The following CNOT10 variants were observed in gnomAD, a reference collection of about 807,000 sequenced individuals.
CNOT10 encodes the protein CCR4-NOT transcription complex subunit 10, also known as CCR4-NOT transcription complex, subunit 10.
Under a neutral mutation model 94.6 loss-of-function variants are expected in CNOT10, and 30 were observed. The ratio of observed to expected loss-of-function variants is 0.32; its 90% CI spans 0.24 to 0.43. The LOEUF (loss-of-function observed/expected upper bound fraction) is 0.43. Among genes scored for constraint, CNOT10 ranks in the 20% least tolerant of loss-of-function variants. CNOT10 has a pLI of 1.00. For synonymous variants in CNOT10, 289 were observed against 301.6 expected, an observed-to-expected ratio of 0.96 and a Z score of 0.43; for missense variants, 759 against 877.2, an observed-to-expected ratio of 0.87 and a Z score of 1.70.
Position 32,693,422 on chromosome 3 carries a change from A to G in CNOT10, c.22+7940A>G, listed in dbSNP as rs538221781. ...CTGTAGAGACAGGGTTTTGCCATGTATCCCGGGCTGGTCTCAAACTCCTGG... is the reference window on the plus strand; with the variant it reads ...CTGTAGAGACAGGGTTTTGCCATGTGTCCCGGGCTGGTCTCAAACTCCTGG... On this transcript the variant is annotated intron_variant, in intron 1 of 18. Coordinates refer to ENST00000328834, the MANE Select transcript of CNOT10 (RefSeq NM_015442.3). 3.3e-5 allele frequency: 5 copies of G among 151,716 alleles called. No homozygotes were observed. In the East Asian group the frequency reaches 7.8e-4, roughly 24 times the overall value. The allele number at this position is 151,716 out of a possible 1,614,324, so 9.4% of individuals were successfully genotyped here.
intron 13 of CNOT10, among the ~76,000 whole-genome samples, chr3:32,745,452 G>C (rs890100519): frequency 3.6e-4 from 17 of 47,086 alleles, no homozygotes; most frequent in African/African-American, 1.3e-3. Context: ...GAAGCCATAA[G>C]TTTTATTCAA....
chr3:32,750,529 T>C (rs557755631), intron 13 of CNOT10, among the ~76,000 whole-genome samples: 106 of 152,104 alleles, frequency 7.0e-4, no homozygotes, highest in Non-Finnish European at 1.4e-3. Context: ...TTCATAGATT[T>C]AGTCATATAA....
chr3:32,741,105 G>A (rs1262973688), intron 13 of CNOT10, among the ~76,000 whole-genome samples: 1 of 151,998 alleles, frequency 6.6e-6, no homozygotes, highest in Non-Finnish European at 1.5e-5. Flanking sequence ...CCTTGGTTAC[G>A]ACTAATCTCT....
rs1469289030 is a variant in CNOT10 at position 32,725,563 on chromosome 3, G to A, written c.976G>A (p.Val326Ile). 6.2e-7 allele frequency: 1 copy of A among 1,614,024 alleles called. No homozygotes were observed. Among genetic ancestry groups the A allele is most frequent in the African/African-American group, 1.3e-5 (1 of 74,938 alleles). Residue 326 changes from valine (V) to isoleucine (I), a missense_variant, in exon 9 of 19, where the codon GTC becomes ATC. Around this residue, in one of 3 missense-constraint regions of CNOT10, gnomAD observed 682 missense variants for 799.4 expected, o/e 0.85. Transcript: ENST00000328834. ...AAAGGCTCTGCAAGAGAATGACAAT[G>A]TCTGTGCACAGCTCAGTGCAGGTAG... ...FKKALQENDN[V>I]CAQLSAGSTD... is the part of the protein sequence containing the mutation.
intron 13 of CNOT10, among the ~76,000 whole-genome samples, chr3:32,738,270 C>A (rs184470016): frequency 3.3e-4 from 50 of 152,044 alleles, no homozygotes; most frequent in African/African-American, 1.1e-3. Context: ...ACAACAAACC[C>A]CCATGACACA....
chr3:32,727,999 A>G (rs376345639), intron 10 of CNOT10, 129 bp downstream of exon 10: 2 of 247,584 alleles, frequency 8.1e-6, no homozygotes, highest in African/African-American at 6.3e-5. Context: ...TTATTTATTT[A>G]TTTATTTATT....
At chr3:32,733,692 C>G (rs1385662730) in intron 11 of CNOT10, 148 bp downstream of exon 11, 1 of 534,402 alleles carries the variant, frequency 1.9e-6, no homozygotes, top group Non-Finnish European at 3.2e-6. Flanking sequence ...CAAACAGACC[C>G]TCATGTATAG....
intron 10 of CNOT10, among the ~76,000 whole-genome samples, chr3:32,728,188 G>T (rs923822209): frequency 6.6e-6 from 1 of 151,608 alleles, no homozygotes; most frequent in East Asian, 2.0e-4. Context: ...TAGAGACGAG[G>T]TTTCACCATG....
intron 1 of CNOT10, among the ~76,000 whole-genome samples, chr3:32,697,275 T>C (rs1225378212): frequency 6.6e-6 from 1 of 152,092 alleles, no homozygotes; most frequent in East Asian, 1.9e-4. Flanking sequence ...CTGGGGTTGC[T>C]AACAGCAGTG....
chr3:32,703,809 A>G, intron 1 of CNOT10, 59 bp from the exon 2 acceptor site: 1 of 1,148,516 alleles, frequency 8.7e-7, no homozygotes, highest in South Asian at 1.3e-5. Context: ...AAACTGGATA[A>G]GGAGGGACCA....
chr3:32,743,486 T>C (rs931363210), intron 13 of CNOT10, among the ~76,000 whole-genome samples: 2 of 151,794 alleles, frequency 1.3e-5, no homozygotes, highest in Non-Finnish European at 2.9e-5. Flanking sequence ...AAAAAAAAAT[T>C]AGCTGGGCAT....
chr3:32,695,073 G>T (rs968912637), intron 1 of CNOT10, among the ~76,000 whole-genome samples: 1 of 152,092 alleles, frequency 6.6e-6, no homozygotes, highest in African/African-American at 2.4e-5. Flanking sequence ...CTACACTACT[G>T]GGCAGGATGC....
chr3:32,727,625 C>A, intron 9 of CNOT10, 43 bp from the exon 10 acceptor site: 1 of 1,253,730 alleles, frequency 8.0e-7, no homozygotes, highest in Non-Finnish European at 1.2e-6. Context: ...GTTACTATTA[C>A]TGTAAATCTA....
intron 10 of CNOT10, 40 bp downstream of exon 10, chr3:32,727,910 C>A: frequency 1.4e-6 from 2 of 1,456,280 alleles, no homozygotes; most frequent in Non-Finnish European, 1.9e-6. Context: ...CCTGTCTTCT[C>A]CCCACTTACT....
intron 13 of CNOT10, among the ~76,000 whole-genome samples, chr3:32,741,968 TTTTTA>T (rs1283255850): frequency 4.1e-4 from 63 of 151,942 alleles, no homozygotes; most frequent in African/African-American, 1.5e-3. Context: ...TTTATTTTAT[TTTTTA>T]TTTTATTTTA....
chr3:32,702,310 G>A (rs2125511282), intron 1 of CNOT10, among the ~76,000 whole-genome samples: 1 of 152,188 alleles, frequency 6.6e-6, no homozygotes, highest in East Asian at 1.9e-4. Context: ...ATTTGTTAGA[G>A]TACTTAACAC....
chr3:32,724,089 A>G lies in CNOT10; in HGVS notation c.863-1361A>G, dbSNP rs546337675. 1.4e-4 allele frequency among the ~76,000 whole-genome samples: 22 copies of G among 152,258 alleles called. No individual in the cohort carries two copies. In the South Asian group the frequency reaches 4.4e-3, roughly 30 times the overall value. On this transcript the variant is annotated intron_variant, in intron 8 of 18. Transcript: ENST00000328834. Reference sequence around the variant, plus strand: ...AATGAGACCCTGTCTCAGAGAAAGAAAAAAATTAATACGGGTGAAAGACAA... The same window carrying G: ...AATGAGACCCTGTCTCAGAGAAAGAGAAAAATTAATACGGGTGAAAGACAA...
intron 13 of CNOT10, among the ~76,000 whole-genome samples, chr3:32,745,633 T>C (rs1470970399): frequency 1.3e-5 from 2 of 152,226 alleles, no homozygotes; most frequent in African/African-American, 4.8e-5. Flanking sequence ...ATAGCCCAGG[T>C]ATTCATCAGT....
intron 13 of CNOT10, among the ~76,000 whole-genome samples, chr3:32,758,695 T>G (rs1700314531): frequency 6.6e-6 from 1 of 152,252 alleles, no homozygotes. Context: ...GAGCAGTTGT[T>G]TAACATTCAA....
Sources: allele counts gnomAD v4.1 joint callset (sites outside exome capture counted in the v4.1 genomes callset), GRCh38; gene constraint gnomAD v4.1.1; regional missense constraint gnomAD v4.1.1; transcripts MANE v1.5; gene names NCBI Gene and HGNC (gene_info 2026-07-23, HGNC 2026-07-21).